Variants in SLC5A1 observed in about 807,000 individuals in gnomAD.
SLC5A1 encodes the protein sodium/glucose cotransporter 1.
Under a neutral mutation model 73.5 loss-of-function variants are expected in SLC5A1, and 42 were observed. That is an observed-to-expected ratio of 0.57 (90% confidence interval 0.45 to 0.74). The LOEUF (loss-of-function observed/expected upper bound fraction) is 0.74, where lower values mean the gene tolerates loss of function less well. Ranked by LOEUF, SLC5A1 falls within the 30% of genes least tolerant of loss-of-function variation. The pLI is 0.00. For missense variants in SLC5A1, 634 were observed against 855.4 expected (o/e 0.74, Z 3.23); for synonymous variants, 300 against 317.4 (o/e 0.95, Z 0.58).
chr22:32,057,181 C>G (rs955077592), intron 2 of SLC5A1, among the ~76,000 whole-genome samples: 3 of 152,168 alleles, frequency 2.0e-5, no homozygotes, highest in Admixed American at 2.0e-4. Context: ...ATTGTACTTT[C>G]AAGTATGATT....
Position 32,111,457 on chromosome 22 carries a change from GGGTTA to G in SLC5A1, c.*1247_*1251del, listed in dbSNP as rs1480830394. ...ATACAGTCACACTGTGAGAAACTGA[GGGTTA>G]GGAAGTCAGCAAGTGAGTCTTGAAG... On this transcript the variant is annotated 3_prime_UTR_variant, in exon 15 of 15. Coordinates refer to ENST00000266088, the MANE Select transcript of SLC5A1 (RefSeq NM_000343.4). 4 of 152,146 alleles carry G rather than the reference GGGTTA, an allele frequency of 2.6e-5. No homozygotes were observed. Among genetic ancestry groups the G allele is most frequent in the Non-Finnish European group, 5.9e-5 (4 of 68,030 alleles). The allele number at this position is 152,146 out of a possible 1,614,324, so 9.4% of individuals were successfully genotyped here.
At chr22:32,109,652 C>G (rs549853399) in intron 14 of SLC5A1, among the ~76,000 whole-genome samples, 1 of 152,262 alleles carries the variant, frequency 6.6e-6, no homozygotes, top group South Asian at 2.1e-4. Flanking sequence ...TGGCACAATT[C>G]CCCAGCCTAT....
chr22:32,082,164 T>C (rs1371438780), intron 6 of SLC5A1, among the ~76,000 whole-genome samples, 193 bp downstream of exon 6: 1 of 152,074 alleles, frequency 6.6e-6, no homozygotes, highest in African/African-American at 2.4e-5. Flanking sequence ...CAGAAAGCTG[T>C]GGTGTTGGCT....
In SLC5A1 at chr22:32,102,147, C is replaced by G. The variant is rs2094037593; in HGVS notation, c.1575C>G (p.His525Gln). Reference sequence around the variant, plus strand: ...GTCCCACGATTATCTGTGGGGTGCACTACTTGTACTTTGCCATTATCCTCT... The same window carrying G: ...GTCCCACGATTATCTGTGGGGTGCAGTACTTGTACTTTGCCATTATCCTCT... ...SNCPTIICGVHYLYFAIILFA... is the reference protein window; with the variant it reads ...SNCPTIICGVQYLYFAIILFA... The change falls in exon 13 of 15, where the codon CAC (histidine) becomes CAG (glutamine). Residue 525 changes from histidine (H) to glutamine (Q), a missense_variant. His to Gln is a conservative substitution (Grantham distance 24, BLOSUM62 0). Coordinates refer to ENST00000266088, the MANE Select transcript of SLC5A1 (RefSeq NM_000343.4). 1 of 1,614,050 alleles carries G rather than the reference C, an allele frequency of 6.2e-7. No homozygotes were observed. The highest frequency in any genetic ancestry group is 8.5e-7 in the Non-Finnish European group (1 of 1,179,990).
intron 5 of SLC5A1, among the ~76,000 whole-genome samples, chr22:32,073,077 A>G (rs2093985230): frequency 6.6e-6 from 1 of 152,122 alleles, no homozygotes; most frequent in East Asian, 1.9e-4. Flanking sequence ...CTTGTTGCTT[A>G]TGCTTTTGGT....
intron 2 of SLC5A1, among the ~76,000 whole-genome samples, chr22:32,065,548 TTTG>T (rs1367846073): frequency 1.3e-5 from 2 of 152,208 alleles, no homozygotes; most frequent in Non-Finnish European, 2.9e-5. Flanking sequence ...GATCATTGTT[TTTG>T]TTGTTTATTT....
At position 32,110,229 on chromosome 22, in the gene SLC5A1, G is replaced by C. The variant is rs764424444; in HGVS notation, c.*16G>C. ...TTTTGCCTGAGTCCTACCTTTTGCT[G>C]TAGATTTACCATGGCTGGACTCTTA... On this transcript the variant is annotated 3_prime_UTR_variant, in exon 15 of 15. Transcript: ENST00000266088. 2 of 1,568,664 alleles carry C rather than the reference G, an allele frequency of 1.3e-6. No individual in the cohort carries two copies. Among genetic ancestry groups the C allele is most frequent in the Non-Finnish European group, 1.8e-6 (2 of 1,139,500 alleles).
At chr22:32,084,151 T>C (rs1202362565) in intron 7 of SLC5A1, among the ~76,000 whole-genome samples, 1 of 152,260 alleles carries the variant, frequency 6.6e-6, no homozygotes, top group Non-Finnish European at 1.5e-5. Flanking sequence ...TTTCTTTGAT[T>C]AATAAAAGTC....
chr22:32,089,646 T>C (rs1159256586), intron 10 of SLC5A1, among the ~76,000 whole-genome samples: 1 of 152,152 alleles, frequency 6.6e-6, no homozygotes, highest in Non-Finnish European at 1.5e-5. Flanking sequence ...TTTGATGCTA[T>C]AGAGAGGTAG....
rs776245001 is a variant in SLC5A1 at position 32,043,404 on chromosome 22, C to T, written c.123C>T (p.Ala41=). ...TTATCTACTTCGTGGTAGTGATGGC[C>T]GTCGGACTGTGGGTATGCAGCGGGT... The part of the protein sequence containing the change: ...IIVIYFVVVM[A]VGLWAMFSTN... Residue 41 remains alanine (A), a synonymous_variant, in exon 1 of 15, where the codon GCC becomes GCT. Transcript: ENST00000266088. The surrounding 1 kb of genome is among the most constrained non-coding windows in gnomAD (Gnocchi z 6.5). 23 of 1,613,778 alleles carry T rather than the reference C, an allele frequency of 1.4e-5. No individual in the cohort carries two copies. The Admixed American group carries it at 1.7e-4, about 12-fold the overall frequency.
intron 1 of SLC5A1, among the ~76,000 whole-genome samples, chr22:32,049,365 T>C (rs2093942142): frequency 6.7e-6 from 1 of 148,716 alleles, no homozygotes; most frequent in South Asian, 2.1e-4. Flanking sequence ...GTAACAAAGA[T>C]ATAACTCACA....
chr22:32,085,484 G>A (rs944676423), intron 9 of SLC5A1, among the ~76,000 whole-genome samples: 6 of 151,030 alleles, frequency 4.0e-5, no homozygotes, highest in African/African-American at 1.5e-4. Flanking sequence ...TAGACAGTGA[G>A]CAACTTGAGG....
intron 4 of SLC5A1, 143 bp downstream of exon 4, chr22:32,068,169 G>A (rs1334973005): frequency 4.2e-5 from 37 of 872,584 alleles, no homozygotes; most frequent in Admixed American, 7.0e-5. Context: ...TGAAATTCCC[G>A]ACTGTCTGCA....
At chr22:32,049,134 TTA>T (rs369446176) in intron 1 of SLC5A1, among the ~76,000 whole-genome samples, 9,533 of 142,606 alleles carry the variant, frequency 0.067, 414 homozygotes, top group African/African-American at 0.098. Context: ...TATATAATCA[TTA>T]TATATATATA....
intron 10 of SLC5A1, among the ~76,000 whole-genome samples, chr22:32,088,554 G>T (rs577970711): frequency 6.6e-6 from 1 of 151,990 alleles, no homozygotes; most frequent in Non-Finnish European, 1.5e-5. Flanking sequence ...GGCCACGCTG[G>T]TCTCAAACTC....
Position 32,110,341 on chromosome 22 carries a change from GTAAT to G in SLC5A1, c.*131_*134del. 1.4e-6 allele frequency: 1 copy of G among 733,590 alleles called. No homozygotes were observed. The highest frequency in any genetic ancestry group is 1.7e-5 in the African/African-American group (1 of 57,836). 45.4% of individuals were successfully genotyped at this position (733,590 alleles called of 1,614,324 possible). A position where few individuals can be genotyped will look rare whatever the true frequency, so the allele number is the denominator to read the frequency against. On this transcript the variant is annotated 3_prime_UTR_variant, in exon 15 of 15. Coordinates refer to ENST00000266088, the MANE Select transcript of SLC5A1 (RefSeq NM_000343.4). ...CCCAGGTGGATAAATGTGTACATGT[GTAAT>G]TATAGGCTAGCTGGAAGAAAACCAT... is the stretch of plus-strand genomic sequence containing the variant.
intron 12 of SLC5A1, among the ~76,000 whole-genome samples, chr22:32,100,853 T>C (rs1359950353): frequency 6.6e-6 from 1 of 152,190 alleles, no homozygotes; most frequent in African/African-American, 2.4e-5. Flanking sequence ...ACAAAGTGAA[T>C]GAAACCTGTT....
chr22:32,091,154 G>GT (rs113254702), intron 10 of SLC5A1, among the ~76,000 whole-genome samples: 21,845 of 151,972 alleles, frequency 0.14, 1,675 homozygotes, highest in Non-Finnish European at 0.18. Flanking sequence ...TGATTTGCAC[G>GT]TATTTTCTCC....
intron 12 of SLC5A1, 93 bp from the exon 13 acceptor site, chr22:32,101,929 C>A: frequency 1.1e-6 from 1 of 948,868 alleles, no homozygotes; most frequent in Non-Finnish European, 1.7e-6. Context: ...TACCTCTGTT[C>A]CTTTGCCTCT....
Sources: gnomAD v4.1 joint callset for allele counts (sites outside exome capture counted in the v4.1 genomes callset) on GRCh38, gnomAD v4.1.1 for gene constraint, Gnocchi (gnomAD v3.1) non-coding constraint, MANE v1.5 for transcripts, NCBI Gene and HGNC (gene_info 2026-07-23, HGNC 2026-07-21) for gene names.